The following TBCK variants were observed in gnomAD, a reference collection of about 807,000 sequenced individuals.
TBCK encodes TBC1 domain containing kinase.
TBCK carries 99 observed loss-of-function variants against 113.4 expected under a neutral mutation model. The ratio of observed to expected loss-of-function variants is 0.87; its 90% CI spans 0.74 to 1.03. The LOEUF (loss-of-function observed/expected upper bound fraction) is 1.03, where lower values mean the gene tolerates loss of function less well. Among genes scored for constraint, TBCK ranks in the 50% least tolerant of loss-of-function variants. The probability of loss-of-function intolerance (pLI) is 0.00; values close to 1 mark genes in which losing one functional copy is unlikely to be tolerated. For missense variants in TBCK, 1,045 were observed against 1,061.3 expected, an observed-to-expected ratio of 0.98 and a Z score of 0.21; for synonymous variants, 369 against 370.8, an observed-to-expected ratio of 1.00 and a Z score of 0.05.
At chr4:106,127,206 CAAAAAAAAAAAAA>C (rs35461999) in intron 23 of TBCK, among the ~76,000 whole-genome samples, 3 of 65,504 alleles carry the variant, frequency 4.6e-5, no homozygotes, top group African/African-American at 1.7e-4. Context: ...GACTCCGTCT[CAAAAAAAAAAAAA>C]AAAAAAAAAG....
rs554098045 is a variant in TBCK at position 106,072,371 on chromosome 4, A to C, written c.2571+23111T>G. Among the ~76,000 whole-genome samples, 518 of 152,218 alleles carry C rather than the reference A, an allele frequency of 3.4e-3. 4 individuals are homozygous for C. The highest frequency in any genetic ancestry group is 0.012 in the African/African-American group (486 of 41,532). On this transcript the variant is annotated intron_variant, in intron 25 of 25. Transcript: ENST00000394708. Reference sequence around the variant, plus strand: ...CACTTATGAAACTTAGTTTGGCTGGATATGAAATTCTGGGTTGAAAATTCT... The same window carrying C: ...CACTTATGAAACTTAGTTTGGCTGGCTATGAAATTCTGGGTTGAAAATTCT...
intron 24 of TBCK, among the ~76,000 whole-genome samples, chr4:106,096,308 A>G (rs1408992119): frequency 1.3e-5 from 2 of 152,188 alleles, no homozygotes; most frequent in Admixed American, 1.3e-4. Flanking sequence ...TAAAAAACTG[A>G]AAGTACTTTT....
At chr4:106,099,525 T>G (rs1243643102) in intron 24 of TBCK, among the ~76,000 whole-genome samples, 1 of 152,142 alleles carries the variant, frequency 6.6e-6, no homozygotes, top group Non-Finnish European at 1.5e-5. Context: ...CCCACAGTTC[T>G]CTCATATATA....
intron 25 of TBCK, among the ~76,000 whole-genome samples, chr4:106,077,042 A>G (rs1218690453): frequency 1.3e-5 from 2 of 152,160 alleles, no homozygotes; most frequent in East Asian, 3.9e-4. Flanking sequence ...CAGAGGTTGC[A>G]GTGAGCTGAG....
intron 25 of TBCK, among the ~76,000 whole-genome samples, chr4:106,093,446 G>A (rs949574493): frequency 1.1e-4 from 16 of 152,198 alleles, no homozygotes; most frequent in African/African-American, 3.6e-4. Flanking sequence ...GATGGAGCTT[G>A]TAGTGAGCTG....
intron 25 of TBCK, among the ~76,000 whole-genome samples, chr4:106,063,363 C>T (rs1020557258): frequency 2.6e-5 from 4 of 151,982 alleles, no homozygotes; most frequent in African/African-American, 9.6e-5. Flanking sequence ...AATTTTAGAA[C>T]AGGTAAAAAG....
rs148720922 is a variant in TBCK at position 106,125,726 on chromosome 4, G to A, written c.2236-9348C>T. 1.4e-4 allele frequency among the ~76,000 whole-genome samples: 21 copies of A among 152,222 alleles called. 1 individual carries two copies. The highest frequency in any genetic ancestry group is 2.2e-4 in the Non-Finnish European group (15 of 68,018). ...TGGACAGGGTGGGTTTGGGACATAG[G>A]GGGAGAGTGGTGGGGTGGAGGTGGT... On this transcript the variant is annotated intron_variant, in intron 23 of 25. Transcript: ENST00000394708.
rs575376181 is a variant in TBCK, at chr4:106,055,190, T to C, written c.2572-8510A>G. 2.6e-5 allele frequency among the ~76,000 whole-genome samples: 4 copies of C among 151,684 alleles called. No homozygotes were observed. In the East Asian group the frequency reaches 7.8e-4, roughly 30 times the overall value. On this transcript the variant is annotated intron_variant, in intron 25 of 25. Coordinates refer to ENST00000394708, the MANE Select transcript of TBCK (RefSeq NM_001163435.3). Reference sequence around the variant, plus strand: ...CTATCATAATCAGATTCTCCATATCTTTCTACCTTTGTCTGCAGCCAAAAC... The same window carrying C: ...CTATCATAATCAGATTCTCCATATCCTTCTACCTTTGTCTGCAGCCAAAAC...
chr4:106,304,989 C>T (rs780809876), intron 2 of TBCK, among the ~76,000 whole-genome samples: 1 of 152,166 alleles, frequency 6.6e-6, no homozygotes, highest in Non-Finnish European at 1.5e-5. Context: ...GGTATATAAG[C>T]CTCAATTCTA....
At chr4:106,153,417 T>G (rs1239868532) in intron 23 of TBCK, among the ~76,000 whole-genome samples, 1 of 152,140 alleles carries the variant, frequency 6.6e-6, no homozygotes, top group Non-Finnish European at 1.5e-5. Flanking sequence ...AGAACATGCT[T>G]GATATTATTT....
chr4:106,308,910 C>A lies in TBCK; in HGVS notation c.51G>T (p.Ser17=). The A allele has an allele frequency of 6.2e-7, 1 of 1,613,978 alleles. No homozygotes were observed. Among genetic ancestry groups the A allele is most frequent in the Non-Finnish European group, 8.5e-7 (1 of 1,179,996 alleles). Residue 17 remains serine (S), a synonymous_variant, in exon 2 of 26, where the codon TCG becomes TCT. Coordinates refer to ENST00000394708, the MANE Select transcript of TBCK (RefSeq NM_001163435.3). ...TTCCACAAACATCATGTGGCAGAGC[C>A]GAGGCAAAGAAGGTAAAGGCTCCCA... ...AEMGAFTFFA[S]ALPHDVCGSN...
chr4:106,223,243 T>C (rs1757898851), intron 19 of TBCK, among the ~76,000 whole-genome samples: 1 of 152,158 alleles, frequency 6.6e-6, no homozygotes, highest in South Asian at 2.1e-4. Context: ...TCTAAATACA[T>C]AACTTTTGGA....
At chr4:106,054,218 C>T (rs577730202) in intron 25 of TBCK, among the ~76,000 whole-genome samples, 6 of 151,422 alleles carry the variant, frequency 4.0e-5, no homozygotes, top group Admixed American at 2.6e-4. Context: ...CTCCCCAACT[C>T]CCCATCATCT....
At chr4:106,255,322 C>A (rs867214791) in intron 5 of TBCK, among the ~76,000 whole-genome samples, 1 of 152,246 alleles carries the variant, frequency 6.6e-6, no homozygotes, top group Non-Finnish European at 1.5e-5. Flanking sequence ...CTTGGACTGG[C>A]AGGCTGTGCT....
chr4:106,244,551 C>A (rs1760545434), intron 11 of TBCK, 75 bp downstream of exon 11: 5 of 1,168,680 alleles, frequency 4.3e-6, no homozygotes, highest in Non-Finnish European at 5.6e-6. Context: ...CACCGATTTT[C>A]TTTTTTATTA....
Position 106,099,153 on chromosome 4 carries a change from G to A in TBCK, c.2412-3512C>T, listed in dbSNP as rs142604860. ...AATCAGGTATAAGAATATAGGTACAGTGTATAGGTAAATTACATGGTAGTT... is the reference window on the plus strand; with the variant it reads ...AATCAGGTATAAGAATATAGGTACAATGTATAGGTAAATTACATGGTAGTT... On this transcript the variant is annotated intron_variant, in intron 24 of 25. Transcript: ENST00000394708. 2.6e-5 allele frequency among the ~76,000 whole-genome samples: 4 copies of A among 152,232 alleles called. No individual in the cohort carries two copies. In the East Asian group the frequency reaches 7.7e-4, roughly 29 times the overall value.
chr4:106,241,475 C>T (rs1238683444), intron 12 of TBCK, among the ~76,000 whole-genome samples: 2 of 151,900 alleles, frequency 1.3e-5, no homozygotes, highest in Non-Finnish European at 2.9e-5. Context: ...AAGGTCTTCC[C>T]TTGCTAGATA....
chr4:106,168,076 T>C (rs999592296), intron 23 of TBCK, among the ~76,000 whole-genome samples: 12 of 151,862 alleles, frequency 7.9e-5, no homozygotes, highest in Non-Finnish European at 1.2e-4. Context: ...CTCATGAACA[T>C]AGATACCAAA....
chr4:106,179,816 T>G (rs948204433), intron 22 of TBCK, among the ~76,000 whole-genome samples: 2 of 152,072 alleles, frequency 1.3e-5, no homozygotes, highest in African/African-American at 4.8e-5. Context: ...CTGGATGACC[T>G]GTGTATTGCT....
Sources: allele counts gnomAD v4.1 joint callset (sites outside exome capture counted in the v4.1 genomes callset), GRCh38; gene constraint gnomAD v4.1.1; transcripts MANE v1.5; gene names NCBI Gene and HGNC (gene_info 2026-07-23, HGNC 2026-07-21).